MAPK6: variants seen among roughly 807,000 people sequenced by gnomAD.
MAPK6 encodes the protein mitogen-activated protein kinase 6, also known as ERK-3.
Under a neutral mutation model 59.3 loss-of-function variants are expected in MAPK6, and 19 were observed. The ratio of observed to expected loss-of-function variants is 0.32; its 90% CI spans 0.22 to 0.47. The LOEUF (loss-of-function observed/expected upper bound fraction) is 0.47. Among genes scored for constraint, MAPK6 ranks in the 20% least tolerant of loss-of-function variants. The pLI, the probability that MAPK6 is intolerant of heterozygous loss-of-function variation, is 1.00. For missense variants in MAPK6, 724 were observed against 847.9 expected, an observed-to-expected ratio of 0.85 and a Z score of 1.81; for synonymous variants, 316 against 290.3, an observed-to-expected ratio of 1.09 and a Z score of -0.90.
intron 1 of MAPK6, among the ~76,000 whole-genome samples, chr15:51,981,440 C>A (rs1217639522): frequency 6.6e-6 from 1 of 150,398 alleles, no homozygotes; most frequent in African/African-American, 2.4e-5. Flanking sequence ...CCACTGCAGT[C>A]CAGCCTGGGT....
chr15:52,029,333 CA>C (rs1178777155), intron 1 of MAPK6, among the ~76,000 whole-genome samples: 2 of 152,090 alleles, frequency 1.3e-5, no homozygotes, highest in African/African-American at 4.8e-5. Context: ...AATTATTAAA[CA>C]GGCTTCTCTC....
chr15:52,063,969 C>A lies in MAPK6; in HGVS notation c.1135C>A (p.Gln379Lys), dbSNP rs774278533. The change falls in exon 6 of 6, where the codon CAG becomes AAG. Residue 379 changes from glutamine (Q) to lysine (K), a missense_variant. By Grantham distance (53) the Gln-to-Lys change is moderately conservative. Coordinates refer to ENST00000261845, the MANE Select transcript of MAPK6 (RefSeq NM_002748.4). ...VHNNFDIDEV[Q>K]LDPRALSDVT... ...TAACAACTTTGATATTGATGAAGTT[C>A]AGCTTGATCCAAGAGCTCTGTCCGA... The A allele has an allele frequency of 1.2e-6, 2 of 1,609,352 alleles. No individual in the cohort carries two copies. The highest frequency in any genetic ancestry group is 2.2e-5 in the South Asian group (2 of 90,168).
chr15:51,981,471 CAAAAAAA>C (rs35487339), intron 1 of MAPK6, among the ~76,000 whole-genome samples: 2 of 118,054 alleles, frequency 1.7e-5, no homozygotes, highest in African/African-American at 6.6e-5. Context: ...GACTCCGTCT[CAAAAAAA>C]AAAAAGAAAA....
In MAPK6 at chr15:52,059,228, C is replaced by T. The variant is rs575150970; in HGVS notation, c.865+431C>T. Among the ~76,000 whole-genome samples the T allele has an allele frequency of 2.7e-4, 41 of 152,316 alleles. No homozygotes were observed. In the South Asian group the frequency reaches 6.0e-3, roughly 22 times the overall value. ...AAATTCCATTGCTAGCTCCCTTGCT[C>T]GTAACCCTGTAGCCACTGTCACAAC... On this transcript the variant is annotated intron_variant, in intron 4 of 5. Transcript: ENST00000261845.
rs1371064638 is a variant in MAPK6 at position 52,047,582 on chromosome 15, G to A, written c.555+567G>A. On this transcript the variant is annotated intron_variant, in intron 2 of 5. Coordinates refer to ENST00000261845, the MANE Select transcript of MAPK6 (RefSeq NM_002748.4). ...GCTGGTCTTGAACTCCTAGCCTCCA[G>A]TGATCTGCCTGCGTCAGCCTCCCAA... Among the ~76,000 whole-genome samples the A allele has an allele frequency of 2.0e-5, 3 of 151,960 alleles. No homozygotes were observed. In the East Asian group the frequency reaches 5.8e-4, roughly 29 times the overall value.
rs557274888 is a variant in MAPK6, at chr15:52,066,679, G to A, written c.*1679G>A. ...CTCACTTTTCTTTCATCCTTGTTTTGTACAACACCAATTCTATTAATATCT... is the reference window on the plus strand; with the variant it reads ...CTCACTTTTCTTTCATCCTTGTTTTATACAACACCAATTCTATTAATATCT... On this transcript the variant is annotated 3_prime_UTR_variant, in exon 6 of 6. Coordinates refer to ENST00000261845, the MANE Select transcript of MAPK6 (RefSeq NM_002748.4). 2.0e-5 allele frequency: 3 copies of A among 151,110 alleles called. No homozygotes were observed. The highest frequency in any genetic ancestry group is 7.3e-5 in the African/African-American group (3 of 41,056). The allele number at this position is 151,110 out of a possible 1,614,324, so 9.4% of individuals were successfully genotyped here. A position where few individuals can be genotyped will look rare whatever the true frequency, so the allele number is the denominator to read the frequency against.
chr15:52,051,447 G>C (rs1463333209), intron 3 of MAPK6, among the ~76,000 whole-genome samples: 6 of 152,048 alleles, frequency 3.9e-5, no homozygotes, highest in Non-Finnish European at 7.4e-5. Context: ...ATTTACATAA[G>C]AAAGATTAGT....
At chr15:51,989,650 A>T (rs2141815226) in intron 2 of MAPK6, among the ~76,000 whole-genome samples, 1 of 151,780 alleles carries the variant, frequency 6.6e-6, no homozygotes, top group Non-Finnish European at 1.5e-5. Flanking sequence ...CCCAGGCTGG[A>T]GTGCAATGGG....
chr15:52,045,217 C>T (rs941820985), intron 1 of MAPK6, among the ~76,000 whole-genome samples: 2 of 152,176 alleles, frequency 1.3e-5, no homozygotes, highest in Non-Finnish European at 2.9e-5. Context: ...TTTTTCTACA[C>T]TCCTCAGACT....
At chr15:52,054,095 C>A (rs370333149) in intron 3 of MAPK6, among the ~76,000 whole-genome samples, 1 of 151,710 alleles carries the variant, frequency 6.6e-6, no homozygotes, top group Non-Finnish European at 1.5e-5. Flanking sequence ...CAGCTGGGCG[C>A]GGTGGCTCAC....
intron 1 of MAPK6, chr15:52,033,672 CTTG>C (rs2031131120): frequency 6.6e-6 from 1 of 152,174 alleles, no homozygotes; most frequent in South Asian, 2.1e-4. Flanking sequence ...ACTTCTTCGC[CTTG>C]TTATTGTGTG....
upstream of MAPK6, among the ~76,000 whole-genome samples, chr15:52,016,107 C>CACACACACACACACAA (rs1267339787): frequency 1.4e-4 from 19 of 136,208 alleles, no homozygotes; most frequent in African/African-American, 4.5e-4. Flanking sequence ...CACACACACA[C>CACACACACACACACAA]AAACTAAAAC....
chr15:52,013,480 C>G (rs1288589184), intron 3 of MAPK6, among the ~76,000 whole-genome samples: 1 of 152,034 alleles, frequency 6.6e-6, no homozygotes, highest in Non-Finnish European at 1.5e-5. Flanking sequence ...AAAGATAAAA[C>G]AAGAAGCCTA....
chr15:51,974,971 A>G (rs1260762894), intron 1 of MAPK6, among the ~76,000 whole-genome samples: 2 of 151,146 alleles, frequency 1.3e-5, no homozygotes, highest in Non-Finnish European at 3.0e-5. Flanking sequence ...ATCCACCTCA[A>G]CCTCCCAAAT....
chr15:51,984,410 T>A (rs1368650421), intron 2 of MAPK6, among the ~76,000 whole-genome samples: 1 of 148,704 alleles, frequency 6.7e-6, no homozygotes, highest in Non-Finnish European at 1.5e-5. Context: ...GCCGCCCGAG[T>A]AGCTGGGACT....
intron 1 of MAPK6, among the ~76,000 whole-genome samples, chr15:51,979,900 C>T (rs554308680): frequency 2.0e-5 from 3 of 151,772 alleles, no homozygotes; most frequent in South Asian, 2.1e-4. Flanking sequence ...TGCTTGCCTC[C>T]AAGAGAAGGA....
chr15:52,066,034 T>C lies in MAPK6; in HGVS notation c.*1034T>C, dbSNP rs1035645011. ...TGGAAGTAATTAAGGTACATCATTA[T>C]TGTAGTTTGAAAGTTGTACATGATA... On this transcript the variant is annotated 3_prime_UTR_variant, in exon 6 of 6. Transcript: ENST00000261845. 6.6e-6 allele frequency: 1 copy of C among 152,650 alleles called. No individual in the cohort carries two copies. Among genetic ancestry groups the C allele is most frequent in the African/African-American group, 2.4e-5 (1 of 41,470 alleles). The allele number at this position is 152,650 out of a possible 1,614,324, so 9.5% of individuals were successfully genotyped here.
At position 52,054,836 on chromosome 15, in the gene MAPK6, A is replaced by G. The variant is rs184864523; in HGVS notation, c.701-3797A>G. Among the ~76,000 whole-genome samples, 30 of 152,068 alleles carry G rather than the reference A, an allele frequency of 2.0e-4. 1 individual carries two copies. The East Asian group carries it at 5.2e-3, about 26-fold the overall frequency. ...TCTTCCTCTTGTTGCCTAGCCAACA[A>G]TCGTACAATGGTGCGATCTTGGCTC... On this transcript the variant is annotated intron_variant, in intron 3 of 5. Transcript: ENST00000261845.
At chr15:51,981,840 GAA>G (rs1185400752) in intron 1 of MAPK6, among the ~76,000 whole-genome samples, 1 of 151,578 alleles carries the variant, frequency 6.6e-6, no homozygotes, top group African/African-American at 2.4e-5. Flanking sequence ...AGCTGAATAA[GAA>G]AAACGATATG....
Sources: gnomAD v4.1 joint callset for allele counts (sites outside exome capture counted in the v4.1 genomes callset) on GRCh38, gnomAD v4.1.1 for gene constraint, MANE v1.5 for transcripts, NCBI Gene and HGNC (gene_info 2026-07-23, HGNC 2026-07-21) for gene names.